Variants in HOXC4 observed in about 807,000 individuals in gnomAD.
The protein encoded by HOXC4 is homeobox C4.
HOXC4 carries 15 observed loss-of-function variants against 25.5 expected under a neutral mutation model. That is an observed-to-expected ratio of 0.59 (90% CI 0.39 to 0.91). The LOEUF (loss-of-function observed/expected upper bound fraction) is 0.91. Ranked by LOEUF, HOXC4 falls within the 40% of genes least tolerant of loss-of-function variation. The probability of loss-of-function intolerance (pLI) is 0.00; values close to 1 mark genes in which losing one functional copy is unlikely to be tolerated. For missense variants in HOXC4, 342 were observed against 352.4 expected (o/e 0.97, Z 0.24); for synonymous variants, 165 against 148.0 (o/e 1.11, Z -0.83).
upstream of HOXC4, among the ~76,000 whole-genome samples, chr12:54,050,553 C>T (rs1056469118): frequency 6.6e-6 from 1 of 151,130 alleles, no homozygotes; most frequent in Non-Finnish European, 1.5e-5. Flanking sequence ...AGTACCCCCA[C>T]CCCCTCCCAA....
At chr12:54,051,213 C>G (rs1419204222), upstream of HOXC4, among the ~76,000 whole-genome samples, 1 of 152,048 alleles carries the variant, frequency 6.6e-6, no homozygotes, top group Non-Finnish European at 1.5e-5. Flanking sequence ...CATCCAGGTA[C>G]AGGCCTAGAA....
intron 1 of HOXC4, among the ~76,000 whole-genome samples, chr12:54,019,731 C>G (rs1349622360): frequency 6.6e-6 from 1 of 152,126 alleles, no homozygotes; most frequent in African/African-American, 2.4e-5. Flanking sequence ...CTAGAACGAC[C>G]TCACTGAGTG....
chr12:54,028,453 T>C, intron 1 of HOXC4: 1 of 1,524,484 alleles, frequency 6.6e-7, no homozygotes, highest in South Asian at 1.3e-5. Context: ...ACCATCTAGT[T>C]CCGAGTACAA....
chr12:54,018,976 T>A (rs1940297394), intron 1 of HOXC4, among the ~76,000 whole-genome samples: 1 of 152,074 alleles, frequency 6.6e-6, no homozygotes, highest in African/African-American at 2.4e-5. Flanking sequence ...GAAACCTGTT[T>A]TTATCAAATT....
At chr12:54,033,991 G>C (rs771817501) in intron 1 of HOXC4, 1 of 627,338 alleles carries the variant, frequency 1.6e-6, no homozygotes, top group South Asian at 1.5e-5. Flanking sequence ...CTCGGATCTC[G>C]AGGGTGCTTA....
In HOXC4 at chr12:54,053,903, A is replaced by G; in HGVS notation, c.-20A>G. 2 of 1,581,124 alleles carry G rather than the reference A, an allele frequency of 1.3e-6. No individual in the cohort carries two copies. Among genetic ancestry groups the G allele is most frequent in the South Asian group, 1.1e-5 (1 of 89,354 alleles). On this transcript the variant is annotated 5_prime_UTR_variant, in exon 1 of 2. Transcript: ENST00000430889. ...GAAAAACGACAAAGCGAGAAAAATT[A>G]TTTTCCACTCCAGAAATTAATGATC...
chr12:54,033,774 C>A (rs1941084701), intron 1 of HOXC4, among the ~76,000 whole-genome samples: 1 of 152,138 alleles, frequency 6.6e-6, no homozygotes, highest in South Asian at 2.1e-4. Context: ...AGGAACAAAA[C>A]GTGTATAAAA....
At chr12:54,030,960 C>G (rs961165736) in intron 1 of HOXC4, 2 of 152,318 alleles carry the variant, frequency 1.3e-5, no homozygotes, top group Non-Finnish European at 2.9e-5. Context: ...CCCAGGCGCC[C>G]GGCCCCGGCC....
intron 1 of HOXC4, among the ~76,000 whole-genome samples, chr12:54,025,253 A>G (rs956731120): frequency 6.6e-6 from 1 of 152,242 alleles, no homozygotes; most frequent in Non-Finnish European, 1.5e-5. Flanking sequence ...ATGAGTTTCC[A>G]TAATTGTTTT....
chr12:54,019,403 CT>C (rs1047194204), intron 1 of HOXC4, among the ~76,000 whole-genome samples: 10 of 152,180 alleles, frequency 6.6e-5, no homozygotes, highest in Non-Finnish European at 1.3e-4. Context: ...TCTGTGGGAC[CT>C]GAAAAGGGCA....
chr12:54,041,709 T>A (rs1941275462), intron 1 of HOXC4, among the ~76,000 whole-genome samples: 1 of 152,226 alleles, frequency 6.6e-6, no homozygotes, highest in Non-Finnish European at 1.5e-5. Flanking sequence ...TAAGTTTCAC[T>A]CTTGTCGCCC....
At chr12:54,028,015 G>A (rs1229295116) in intron 1 of HOXC4, among the ~76,000 whole-genome samples, 1 of 152,124 alleles carries the variant, frequency 6.6e-6, no homozygotes, top group Non-Finnish European at 1.5e-5. Context: ...TCCTGTGCTG[G>A]GAGGGAGTTC....
rs201246146 is a variant in HOXC4 at position 54,053,967 on chromosome 12, G to A, written c.45G>A (p.Pro15=). 154 of 1,613,854 alleles carry A rather than the reference G, an allele frequency of 9.5e-5. No homozygotes were observed. Among genetic ancestry groups the A allele is most frequent in the Middle Eastern group, 4.9e-4 (3 of 6,084 alleles). Residue 15 remains proline, a synonymous_variant, in exon 1 of 2, where the codon CCG becomes CCA. Transcript: ENST00000430889. ...TGATGGACTCTAACTACATCGATCCGAAATTTCCTCCATGCGAAGAATATT... is the reference window on the plus strand; with the variant it reads ...TGATGGACTCTAACTACATCGATCCAAAATTTCCTCCATGCGAAGAATATT... ...SYLMDSNYID[P]KFPPCEEYSQ... is the part of the protein sequence containing the mutation.
chr12:54,028,842 G>A, intron 1 of HOXC4: 1 of 1,614,140 alleles, frequency 6.2e-7, no homozygotes, highest in Non-Finnish European at 8.5e-7. Flanking sequence ...TTAGTTCTGA[G>A]CAGGGCAGGA....
chr12:54,025,048 T>C (rs1375675033), intron 1 of HOXC4, among the ~76,000 whole-genome samples: 1 of 152,126 alleles, frequency 6.6e-6, no homozygotes, highest in Non-Finnish European at 1.5e-5. Flanking sequence ...AATGCCTGAT[T>C]TGGGAGGCTA....
intron 1 of HOXC4, 91 bp downstream of exon 1, chr12:54,054,452 T>G: frequency 1.3e-6 from 1 of 790,460 alleles, no homozygotes; most frequent in Non-Finnish European, 2.0e-6. Flanking sequence ...CCGTCCTCCT[T>G]TCTCTCCTTC....
chr12:54,032,425 C>A (rs566930540), intron 1 of HOXC4, among the ~76,000 whole-genome samples: 1 of 152,382 alleles, frequency 6.6e-6, no homozygotes, highest in South Asian at 2.1e-4. Context: ...AGGCAAGGGA[C>A]TTCTACCTTT....
chr12:54,033,402 C>G, intron 1 of HOXC4: 1 of 1,611,604 alleles, frequency 6.2e-7, no homozygotes, highest in East Asian at 2.2e-5. Context: ...AGCGGCTCCT[C>G]TGAACCCCGG....
At position 54,055,010 on chromosome 12, in the gene HOXC4, C is replaced by T; in HGVS notation, c.600C>T (p.Ile200=). Residue 200 remains isoleucine, a synonymous_variant, in exon 2 of 2, where the codon ATC becomes ATT. Transcript: ENST00000430889. ...CGCTGTGCCTCTCTGAGAGGCAGAT[C>T]AAAATCTGGTTCCAAAACCGTCGCA... ...AHSLCLSERQ[I]KIWFQNRRMK... 6.2e-7 allele frequency: 1 copy of T among 1,614,014 alleles called. No homozygotes were observed. Among genetic ancestry groups the T allele is most frequent in the Non-Finnish European group, 8.5e-7 (1 of 1,180,008 alleles).
Sources: allele counts gnomAD v4.1 joint callset (sites outside exome capture counted in the v4.1 genomes callset), GRCh38; gene constraint gnomAD v4.1.1; transcripts MANE v1.5; gene names NCBI Gene and HGNC (gene_info 2026-07-23, HGNC 2026-07-21).